TMEM117: variants seen among roughly 807,000 people sequenced by gnomAD.
TMEM117 encodes transmembrane protein 117.
TMEM117 carries 27 observed loss-of-function variants against 52.4 expected under a neutral mutation model. The ratio of observed to expected loss-of-function variants is 0.51; its 90% confidence interval spans 0.38 to 0.71. TMEM117 has a LOEUF of 0.71. Among genes scored for constraint, TMEM117 ranks in the 30% least tolerant of loss-of-function variants. The pLI, the probability that TMEM117 is intolerant of heterozygous loss-of-function variation, is 0.00. For synonymous variants in TMEM117, 215 were observed against 206.3 expected (o/e 1.04, Z -0.36); for missense variants, 556 against 630.5 (o/e 0.88, Z 1.26).
chr12:44,103,257 G>C (rs1375084697), intron 3 of TMEM117, among the ~76,000 whole-genome samples: 2 of 147,092 alleles, frequency 1.4e-5, no homozygotes, highest in African/African-American at 2.5e-5. Flanking sequence ...AATTTTTCCT[G>C]TAACTTATGG....
At chr12:44,206,355 C>T (rs188088429) in intron 4 of TMEM117, among the ~76,000 whole-genome samples, 64 of 152,256 alleles carry the variant, frequency 4.2e-4, no homozygotes, top group Admixed American at 7.2e-4. Flanking sequence ...CAACCTCCAG[C>T]GTGGGCATCA....
At chr12:44,243,296 A>G (rs1950087011) in intron 5 of TMEM117, among the ~76,000 whole-genome samples, 1 of 151,972 alleles carries the variant, frequency 6.6e-6, no homozygotes, top group Admixed American at 6.6e-5. Context: ...TTAGGTCAGA[A>G]TAGAACTAAT....
At chr12:44,219,452 T>G (rs193275324) in intron 5 of TMEM117, among the ~76,000 whole-genome samples, 1 of 152,312 alleles carries the variant, frequency 6.6e-6, no homozygotes, top group East Asian at 1.9e-4. Context: ...TATATCATTT[T>G]CTCTCAATTA....
chr12:44,355,682 C>G (rs966504609), intron 6 of TMEM117, among the ~76,000 whole-genome samples: 1 of 152,008 alleles, frequency 6.6e-6, no homozygotes, highest in East Asian at 1.9e-4. Flanking sequence ...TGTTGATGAT[C>G]AAATCCTAAA....
Position 44,054,718 on chromosome 12 carries a change from T to C in TMEM117, c.411-88807T>C, listed in dbSNP as rs541949780. On this transcript the variant is annotated intron_variant, in intron 3 of 7. Coordinates refer to ENST00000266534, the MANE Select transcript of TMEM117 (RefSeq NM_032256.3). ...ATAGGATTATTTTTTTTTCAATTTT[T>C]TTTTTCTTCCTCATCTTCATTTTCT... 5.9e-5 allele frequency among the ~76,000 whole-genome samples: 9 copies of C among 152,252 alleles called. No homozygotes were observed. The South Asian group carries it at 1.9e-3, about 32-fold the overall frequency.
chr12:44,394,292 C>T (rs1952172452), downstream of TMEM117, among the ~76,000 whole-genome samples: 3 of 152,312 alleles, frequency 2.0e-5, no homozygotes, highest in South Asian at 6.2e-4. Context: ...TATGTGAAAG[C>T]ATGCAGGTAG....
intron 6 of TMEM117, among the ~76,000 whole-genome samples, chr12:44,373,614 C>T (rs1951895510): frequency 6.7e-6 from 1 of 149,854 alleles, no homozygotes; most frequent in Non-Finnish European, 1.5e-5. Flanking sequence ...CTAATGTTAT[C>T]TCATCCTCCC....
chr12:43,908,627 G>T (rs7958314), intron 2 of TMEM117, among the ~76,000 whole-genome samples: 24,112 of 151,678 alleles, frequency 0.16, 3,652 homozygotes, highest in African/African-American at 0.4. Context: ...ACACACATAG[G>T]CTCAAAATAA....
chr12:44,236,657 A>G (rs1950000483), intron 5 of TMEM117, among the ~76,000 whole-genome samples: 1 of 152,146 alleles, frequency 6.6e-6, no homozygotes, highest in Non-Finnish European at 1.5e-5. Flanking sequence ...TTGCATACCC[A>G]GTTATCACTG....
chr12:44,199,111 C>T (rs1393996818), intron 4 of TMEM117, among the ~76,000 whole-genome samples: 1 of 152,146 alleles, frequency 6.6e-6, no homozygotes, highest in African/African-American at 2.4e-5. Flanking sequence ...TCTCATCACT[C>T]CTAGCCAGTG....
At chr12:43,850,875 A>G (rs1015759194) in intron 2 of TMEM117, among the ~76,000 whole-genome samples, 4 of 146,008 alleles carry the variant, frequency 2.7e-5, no homozygotes, top group African/African-American at 7.9e-5. Flanking sequence ...GATGATGGTG[A>G]TGATGATGAT....
intron 3 of TMEM117, among the ~76,000 whole-genome samples, chr12:44,061,651 A>G (rs1325111132): frequency 6.6e-6 from 1 of 152,062 alleles, no homozygotes; most frequent in Non-Finnish European, 1.5e-5. Flanking sequence ...ATTTTTTTTC[A>G]TGATTGCCTG....
intron 6 of TMEM117, among the ~76,000 whole-genome samples, chr12:44,328,083 T>C (rs1476109176): frequency 6.6e-6 from 1 of 152,226 alleles, no homozygotes; most frequent in Non-Finnish European, 1.5e-5. Flanking sequence ...CTTGATGTTA[T>C]CTCTAGTTGA....
intron 6 of TMEM117, among the ~76,000 whole-genome samples, chr12:44,357,573 T>A (rs1335978315): frequency 6.6e-6 from 1 of 151,998 alleles, no homozygotes; most frequent in African/African-American, 2.4e-5. Context: ...ATGGTAGCGT[T>A]TCCATGTTAC....
intron 3 of TMEM117, among the ~76,000 whole-genome samples, chr12:44,043,378 A>C (rs1483909041): frequency 6.6e-6 from 1 of 152,166 alleles, no homozygotes; most frequent in Non-Finnish European, 1.5e-5. Flanking sequence ...TGTTAAAGTG[A>C]GGTCATTGAT....
intron 5 of TMEM117, among the ~76,000 whole-genome samples, chr12:44,221,362 C>T (rs546198870): frequency 3.3e-5 from 5 of 152,278 alleles, no homozygotes; most frequent in Non-Finnish European, 7.4e-5. Flanking sequence ...CCTACTTATG[C>T]ATAAACCTCA....
At chr12:43,959,467 A>C (rs533949930) in intron 3 of TMEM117, among the ~76,000 whole-genome samples, 2 of 152,316 alleles carry the variant, frequency 1.3e-5, no homozygotes, top group East Asian at 3.9e-4. Flanking sequence ...GTTTATTTTT[A>C]ATTAAATTTT....
chr12:43,798,483 C>G, the TMEM117 span: 144 of 1,382,488 alleles, frequency 1.0e-4, no homozygotes, highest in Middle Eastern at 1.8e-4. Flanking sequence ...AGAAATTTTA[C>G]TTTTAAAAAA....
rs1330358683 is a variant in TMEM117 at position 44,299,613 on chromosome 12, A to G, written c.642A>G (p.Val214=). ...TTTTTACTCTGACGTCTGTGGTTGT[A>G]CTTGTGATTACAACGGACTGGATCA... ...TVLFTLTSVV[V]LVITTDWISW... Residue 214 remains valine, a synonymous_variant, in exon 6 of 8, where the codon GTA becomes GTG. Transcript: ENST00000266534. 6.2e-7 allele frequency: 1 copy of G among 1,614,162 alleles called. No individual in the cohort carries two copies. Among genetic ancestry groups the G allele is most frequent in the South Asian group, 1.1e-5 (1 of 91,082 alleles).
Sources: gnomAD v4.1 joint callset for allele counts (sites outside exome capture counted in the v4.1 genomes callset) on GRCh38, gnomAD v4.1.1 for gene constraint, MANE v1.5 for transcripts, NCBI Gene and HGNC (gene_info 2026-07-23, HGNC 2026-07-21) for gene names.